The following BMP5 variants were observed in gnomAD, a reference collection of about 807,000 sequenced individuals.
BMP5 encodes bone morphogenetic protein 5.
BMP5 carries 23 observed loss-of-function variants against 46.6 expected under a neutral mutation model. The observed-to-expected ratio is 0.49, with a 90% CI of 0.35 to 0.70. The LOEUF (loss-of-function observed/expected upper bound fraction) is 0.70. Ranked by LOEUF, BMP5 falls within the 30% of genes least tolerant of loss-of-function variation. The pLI, the probability that BMP5 is intolerant of heterozygous loss-of-function variation, is 0.00. For synonymous variants in BMP5, 204 were observed against 191.9 expected (o/e 1.06, Z -0.52); for missense variants, 545 against 565.6 (o/e 0.96, Z 0.37).
chr6:55,862,738 C>A (rs1777551005), intron 1 of BMP5, among the ~76,000 whole-genome samples: 1 of 152,096 alleles, frequency 6.6e-6, no homozygotes, highest in Admixed American at 6.6e-5. Flanking sequence ...CCTTGAAAGT[C>A]ACTGGAGCCT....
chr6:55,867,383 T>G (rs1484243187), intron 1 of BMP5, among the ~76,000 whole-genome samples: 1 of 152,146 alleles, frequency 6.6e-6, no homozygotes, highest in African/African-American at 2.4e-5. Context: ...TGATCCCTTG[T>G]TTTGCTGCAA....
At chr6:55,841,692 G>A (rs185289464) in intron 1 of BMP5, among the ~76,000 whole-genome samples, 59 of 152,230 alleles carry the variant, frequency 3.9e-4, no homozygotes, top group African/African-American at 1.3e-3. Context: ...GTCTCTCTGT[G>A]CATACACACC....
intron 2 of BMP5, among the ~76,000 whole-genome samples, chr6:55,813,718 C>T (rs1002966382): frequency 2.0e-5 from 3 of 148,874 alleles, no homozygotes; most frequent in Non-Finnish European, 2.9e-5. Context: ...ACCAGGGAGA[C>T]GGAGCTTGCA....
chr6:55,809,068 C>A (rs886415795), intron 2 of BMP5, among the ~76,000 whole-genome samples: 1 of 152,090 alleles, frequency 6.6e-6, no homozygotes, highest in Non-Finnish European at 1.5e-5. Context: ...TCATTATGTT[C>A]TTTAAAGTCA....
intron 4 of BMP5, among the ~76,000 whole-genome samples, chr6:55,771,183 C>T: frequency 6.6e-6 from 1 of 151,716 alleles, no homozygotes; most frequent in East Asian, 1.9e-4. Context: ...GTACTCTATT[C>T]TTTTCAACAC....
intron 1 of BMP5, among the ~76,000 whole-genome samples, chr6:55,869,422 C>A (rs9475436): frequency 5.3e-5 from 8 of 151,888 alleles, no homozygotes; most frequent in African/African-American, 1.9e-4. Flanking sequence ...ATCCTTATTC[C>A]TGTATGCCTC....
chr6:55,872,012 C>A (rs1397230551), intron 1 of BMP5, among the ~76,000 whole-genome samples: 1 of 151,748 alleles, frequency 6.6e-6, no homozygotes, highest in African/African-American at 2.4e-5. Context: ...ACGGATATTA[C>A]ATTTAAAAAG....
intron 2 of BMP5, among the ~76,000 whole-genome samples, chr6:55,796,409 C>A (rs557694171): frequency 6.6e-6 from 1 of 152,026 alleles, no homozygotes; most frequent in South Asian, 2.1e-4. Context: ...ATGTTCAAAT[C>A]CCAAAACTTT....
intron 2 of BMP5, 62 bp downstream of exon 2, chr6:55,819,593 T>A: frequency 1.5e-6 from 2 of 1,354,882 alleles, no homozygotes; most frequent in Non-Finnish European, 2.1e-6. Flanking sequence ...GAGTTATCAA[T>A]GGCTTTTACT....
At chr6:55,811,894 G>T (rs1017074601) in intron 2 of BMP5, among the ~76,000 whole-genome samples, 1 of 151,970 alleles carries the variant, frequency 6.6e-6, no homozygotes. Flanking sequence ...TTACATCATC[G>T]TTCTTAGCAC....
At chr6:55,790,836 C>G (rs1295020909) in intron 3 of BMP5, among the ~76,000 whole-genome samples, 4 of 152,132 alleles carry the variant, frequency 2.6e-5, no homozygotes, top group Admixed American at 2.0e-4. Flanking sequence ...GTGTCTTTAG[C>G]CATGTATGTT....
intron 3 of BMP5, among the ~76,000 whole-genome samples, chr6:55,793,364 C>A (rs1052806367): frequency 6.6e-6 from 1 of 152,182 alleles, no homozygotes; most frequent in Non-Finnish European, 1.5e-5. Context: ...CCATTGAACA[C>A]CTCAGTGTGC....
chr6:55,850,017 A>G (rs572640306), intron 1 of BMP5, among the ~76,000 whole-genome samples: 1 of 152,214 alleles, frequency 6.6e-6, no homozygotes, highest in South Asian at 2.1e-4. Context: ...GTATCTTTCA[A>G]GGTCTATCAG....
At chr6:55,762,034 C>T (rs1433059118) in intron 4 of BMP5, among the ~76,000 whole-genome samples, 1 of 151,970 alleles carries the variant, frequency 6.6e-6, no homozygotes, top group South Asian at 2.1e-4. Context: ...ATCTGAAATA[C>T]CCATAACTTT....
intron 6 of BMP5, among the ~76,000 whole-genome samples, chr6:55,756,540 C>T (rs1774605165): frequency 6.6e-6 from 1 of 151,970 alleles, no homozygotes; most frequent in African/African-American, 2.4e-5. Flanking sequence ...TTCCCACCCA[C>T]CTATTCTGGC....
chr6:55,829,915 T>C (rs990015434), intron 1 of BMP5, among the ~76,000 whole-genome samples: 2 of 151,926 alleles, frequency 1.3e-5, no homozygotes, highest in African/African-American at 4.8e-5. Flanking sequence ...TTTGGTAACA[T>C]ATTTATAATT....
intron 2 of BMP5, among the ~76,000 whole-genome samples, chr6:55,819,028 G>GA (rs888393823): frequency 2.0e-5 from 3 of 152,038 alleles, no homozygotes; most frequent in Non-Finnish European, 2.9e-5. Context: ...TTCATCACCT[G>GA]AAAAAATGTG....
intron 1 of BMP5, among the ~76,000 whole-genome samples, chr6:55,857,646 G>A (rs1471674809): frequency 6.6e-6 from 1 of 152,152 alleles, no homozygotes; most frequent in African/African-American, 2.4e-5. Flanking sequence ...TAATTTGTGG[G>A]TAAATGCATG....
At chr6:55,807,770 T>C (rs764457304) in intron 2 of BMP5, among the ~76,000 whole-genome samples, 7 of 152,196 alleles carry the variant, frequency 4.6e-5, no homozygotes, top group African/African-American at 7.2e-5. Flanking sequence ...ATTCAAATTC[T>C]TCCTGGTTAA....
Sources: allele counts gnomAD v4.1 joint callset (sites outside exome capture counted in the v4.1 genomes callset), GRCh38; gene constraint gnomAD v4.1.1; transcripts MANE v1.5; gene names NCBI Gene and HGNC (gene_info 2026-07-23, HGNC 2026-07-21).